Variants in ADK observed in about 807,000 individuals in gnomAD.
ADK encodes the protein adenosine kinase.
In ADK, 24 loss-of-function variants were observed where a neutral mutation model predicts 44.7. The ratio of observed to expected loss-of-function variants is 0.54; its 90% CI spans 0.39 to 0.76. The LOEUF is 0.76. ADK is among the 30% of genes least tolerant of loss of function. The probability of loss-of-function intolerance (pLI) is 0.00; values close to 1 mark genes in which losing one functional copy is unlikely to be tolerated. For synonymous variants in ADK, 128 were observed against 142.6 expected (o/e 0.90, Z 0.73); for missense variants, 321 against 425.1 (o/e 0.76, Z 2.15).
At chr10:74,203,953 T>G (rs1006359194) in intron 2 of ADK, among the ~76,000 whole-genome samples, 1 of 132,734 alleles carries the variant, frequency 7.5e-6, no homozygotes, top group Non-Finnish European at 1.6e-5. Context: ...ATTTAGGTCT[T>G]TTTTTTTTTT....
chr10:74,695,615 GT>G (rs67223714), intron 10 of ADK, among the ~76,000 whole-genome samples: 27,206 of 67,000 alleles, frequency 0.41, 3,226 homozygotes, highest in East Asian at 0.6. Flanking sequence ...CTGTGTATGT[GT>G]GGGGTGTGTG....
At chr10:74,361,013 T>C (rs1842318732) in intron 4 of ADK, among the ~76,000 whole-genome samples, 1 of 152,162 alleles carries the variant, frequency 6.6e-6, no homozygotes, top group Non-Finnish European at 1.5e-5. Context: ...GTTCAAGCGA[T>C]TCTTCTGCCT....
intron 2 of ADK, among the ~76,000 whole-genome samples, chr10:74,224,248 C>G (rs10824119): frequency 0.74 from 111,897 of 152,142 alleles, 41,833 homozygotes; most frequent in Middle Eastern, 0.85. Flanking sequence ...TGTAGTTGTT[C>G]CATCAGTTTT....
intron 3 of ADK, among the ~76,000 whole-genome samples, chr10:74,309,431 C>T (rs185476730): frequency 7.2e-4 from 109 of 152,192 alleles, no homozygotes; most frequent in African/African-American, 2.6e-3. Context: ...TTAAACTGGA[C>T]TTAGAGGATA....
rs142646677 is a variant in ADK at position 74,245,783 on chromosome 10, G to A, written c.194+21192G>A. Among the ~76,000 whole-genome samples, 525 of 152,026 alleles carry A rather than the reference G, an allele frequency of 3.5e-3. 6 individuals are homozygous for A. The highest frequency in any genetic ancestry group is 0.012 in the African/African-American group (488 of 41,486). On this transcript the variant is annotated intron_variant, in intron 3 of 10. Transcript: ENST00000539909. ...TTTTTGTAATTTTAGTAGAGATGGG[G>A]TTTCACCATATTGGTCAGGCTGGTC...
chr10:74,532,815 C>G (rs191618402), intron 7 of ADK, among the ~76,000 whole-genome samples: 213 of 150,956 alleles, frequency 1.4e-3, no homozygotes, highest in African/African-American at 5.0e-3. Context: ...GCAGGAGAAC[C>G]CGGGAGGCTG....
At chr10:74,588,832 G>A (rs769874783) in intron 7 of ADK, among the ~76,000 whole-genome samples, 5 of 152,118 alleles carry the variant, frequency 3.3e-5, no homozygotes, top group South Asian at 2.1e-4. Flanking sequence ...CATCTACTGA[G>A]GATCCTTGCC....
At chr10:74,481,336 A>G (rs1392344295) in intron 6 of ADK, among the ~76,000 whole-genome samples, 1 of 152,066 alleles carries the variant, frequency 6.6e-6, no homozygotes, top group African/African-American at 2.4e-5. Flanking sequence ...TCTTAGATTC[A>G]CTTTTCCTCT....
At chr10:74,561,141 C>G (rs1850443499) in intron 7 of ADK, among the ~76,000 whole-genome samples, 1 of 152,072 alleles carries the variant, frequency 6.6e-6, no homozygotes, top group Admixed American at 6.6e-5. Flanking sequence ...TGAAATCATC[C>G]AAAAAACTGA....
intron 4 of ADK, among the ~76,000 whole-genome samples, chr10:74,336,971 A>G (rs551501157): frequency 6.6e-6 from 1 of 152,330 alleles, no homozygotes; most frequent in East Asian, 1.9e-4. Context: ...TGGTCTGCAG[A>G]TGCAGATCCC....
intron 2 of ADK, among the ~76,000 whole-genome samples, chr10:74,214,698 A>C (rs901920413): frequency 6.6e-6 from 1 of 152,236 alleles, no homozygotes; most frequent in African/African-American, 2.4e-5. Context: ...TTTCAGTCTC[A>C]TTAAAAGGCT....
At chr10:74,525,054 A>T (rs1328509256) in intron 6 of ADK, among the ~76,000 whole-genome samples, 1 of 152,206 alleles carries the variant, frequency 6.6e-6, no homozygotes, top group Non-Finnish European at 1.5e-5. Context: ...GTAATGCTTT[A>T]TTCTCTGAAG....
At chr10:74,663,493 C>A (rs1476216602) in intron 9 of ADK, among the ~76,000 whole-genome samples, 1 of 151,924 alleles carries the variant, frequency 6.6e-6, no homozygotes, top group Non-Finnish European at 1.5e-5. Context: ...ATCAAGTGTA[C>A]TTCCCATGAA....
At chr10:74,373,418 A>AT (rs1192501372) in intron 4 of ADK, among the ~76,000 whole-genome samples, 24 of 152,328 alleles carry the variant, frequency 1.6e-4, no homozygotes, top group African/African-American at 5.8e-4. Flanking sequence ...TTGCACTCAC[A>AT]TATCTATTTT....
At chr10:74,479,362 C>T (rs1222258422) in intron 6 of ADK, among the ~76,000 whole-genome samples, 1 of 149,692 alleles carries the variant, frequency 6.7e-6, no homozygotes, top group East Asian at 2.0e-4. Flanking sequence ...GTTTATCATT[C>T]TCTATCTCTT....
chr10:74,426,129 T>TG (rs1224547980), intron 6 of ADK, among the ~76,000 whole-genome samples: 1 of 152,190 alleles, frequency 6.6e-6, no homozygotes, highest in Non-Finnish European at 1.5e-5. Flanking sequence ...TAATTTGCAT[T>TG]ATATCTACTA....
intron 3 of ADK, among the ~76,000 whole-genome samples, chr10:74,279,839 C>T (rs927554802): frequency 6.6e-6 from 1 of 151,804 alleles, no homozygotes; most frequent in South Asian, 2.1e-4. Flanking sequence ...TGAGATCAGC[C>T]CAGGCAATGT....
intron 9 of ADK, among the ~76,000 whole-genome samples, chr10:74,626,420 C>T (rs1384641876): frequency 6.6e-6 from 1 of 151,944 alleles, no homozygotes; most frequent in African/African-American, 2.4e-5. Flanking sequence ...CTGCCTCAGC[C>T]TCTTCCAAGT....
chr10:74,626,566 G>C (rs1398585886), intron 9 of ADK, among the ~76,000 whole-genome samples: 1 of 152,130 alleles, frequency 6.6e-6, no homozygotes, highest in Non-Finnish European at 1.5e-5. Flanking sequence ...GCCTCCCAAA[G>C]TGCTGGGATT....
Sources: allele counts gnomAD v4.1 joint callset (sites outside exome capture counted in the v4.1 genomes callset), GRCh38; gene constraint gnomAD v4.1.1; transcripts MANE v1.5; gene names NCBI Gene and HGNC (gene_info 2026-07-23, HGNC 2026-07-21).